PAPPA2: variants seen among roughly 807,000 people sequenced by gnomAD.
PAPPA2 encodes pappalysin 2.
In PAPPA2, 86 loss-of-function variants were observed where a neutral mutation model predicts 176.4. The ratio of observed to expected loss-of-function variants is 0.49; its 90% CI spans 0.41 to 0.58. The LOEUF is 0.58. Ranked by LOEUF, PAPPA2 falls within the 20% of genes least tolerant of loss-of-function variation. The probability of loss-of-function intolerance (pLI) is 0.00; values close to 1 mark genes in which losing one functional copy is unlikely to be tolerated. For synonymous variants in PAPPA2, 809 were observed against 852.2 expected, an observed-to-expected ratio of 0.95 and a Z score of 0.88; for missense variants, 2,073 against 2,256.9, an observed-to-expected ratio of 0.92 and a Z score of 1.65.
intron 21 of PAPPA2, among the ~76,000 whole-genome samples, chr1:176,804,657 G>A (rs1033770803): frequency 2.0e-5 from 3 of 151,986 alleles, no homozygotes; most frequent in East Asian, 3.9e-4. Flanking sequence ...ACCACCTTAG[G>A]GAAAGTATTA....
intron 4 of PAPPA2, among the ~76,000 whole-genome samples, chr1:176,684,247 G>A (rs931480668): frequency 6.6e-6 from 1 of 152,148 alleles, no homozygotes; most frequent in Non-Finnish European, 1.5e-5. Flanking sequence ...TGGAACCAGT[G>A]GGGTAAAATG....
intron 4 of PAPPA2, among the ~76,000 whole-genome samples, chr1:176,681,695 A>G (rs1222943510): frequency 2.0e-5 from 3 of 152,172 alleles, no homozygotes; most frequent in Non-Finnish European, 2.9e-5. Context: ...CTCACACCAC[A>G]TCTCCAATAT....
chr1:176,536,755 C>T (rs1156554336), intron 1 of PAPPA2, among the ~76,000 whole-genome samples: 3 of 152,188 alleles, frequency 2.0e-5, no homozygotes, highest in Admixed American at 6.6e-5. Flanking sequence ...TTGCTAACAT[C>T]CCACTGACCA....
chr1:176,645,898 A>G (rs1442006268), intron 3 of PAPPA2, among the ~76,000 whole-genome samples: 3 of 151,580 alleles, frequency 2.0e-5, no homozygotes, highest in Admixed American at 6.6e-5. Context: ...CTTTTGAGAA[A>G]GGTTTATTCC....
intron 1 of PAPPA2, among the ~76,000 whole-genome samples, chr1:176,511,146 A>G (rs761692458): frequency 2.6e-4 from 39 of 152,294 alleles, no homozygotes; most frequent in South Asian, 4.1e-4. Context: ...TGTACAGTAA[A>G]TACAAAGTCA....
At chr1:176,727,550 T>C (rs1661939001) in intron 12 of PAPPA2, among the ~76,000 whole-genome samples, 1 of 152,086 alleles carries the variant, frequency 6.6e-6, no homozygotes, top group Non-Finnish European at 1.5e-5. Flanking sequence ...GAACAGAGGC[T>C]CAAAAGAAAT....
At chr1:176,746,308 A>G (rs1335235127) in intron 14 of PAPPA2, among the ~76,000 whole-genome samples, 1 of 152,202 alleles carries the variant, frequency 6.6e-6, no homozygotes, top group Non-Finnish European at 1.5e-5. Context: ...ACCAGCAGAG[A>G]AAGTCTTGTC....
intron 10 of PAPPA2, among the ~76,000 whole-genome samples, chr1:176,708,090 G>T (rs181533085): frequency 1.3e-5 from 2 of 152,088 alleles, no homozygotes; most frequent in African/African-American, 4.8e-5. Context: ...CATAGTGGTC[G>T]CATATTAAAT....
At chr1:176,522,559 T>C (rs543680483) in intron 1 of PAPPA2, among the ~76,000 whole-genome samples, 1 of 152,346 alleles carries the variant, frequency 6.6e-6, no homozygotes, top group South Asian at 2.1e-4. Flanking sequence ...GTTGTTATAG[T>C]AATAAAATCA....
intron 1 of PAPPA2, among the ~76,000 whole-genome samples, chr1:176,479,822 A>G (rs1476241339): frequency 6.6e-6 from 1 of 152,244 alleles, no homozygotes; most frequent in Non-Finnish European, 1.5e-5. Context: ...TCAGCATGCA[A>G]GGTAAAATAC....
rs145544936 is a variant in PAPPA2, at chr1:176,598,291, G to A, written c.1991+2696G>A. ...CTGTTTTTTTTTCTGGTAGTTTCCT[G>A]TACACCTCCAAATATTATATTTATA... On this transcript the variant is annotated intron_variant, in intron 3 of 22. Coordinates refer to ENST00000367662, the MANE Select transcript of PAPPA2 (RefSeq NM_020318.3). Among the ~76,000 whole-genome samples, 306 of 151,320 alleles carry A rather than the reference G, an allele frequency of 2.0e-3. 3 individuals carry two copies. The highest frequency in any genetic ancestry group is 7.3e-3 in the African/African-American group (300 of 41,230).
intron 3 of PAPPA2, among the ~76,000 whole-genome samples, chr1:176,643,985 T>A (rs1558493074): frequency 6.6e-6 from 1 of 151,872 alleles, no homozygotes; most frequent in East Asian, 2.0e-4. Context: ...GGTACCTCTG[T>A]GGGTGTGTAT....
chr1:176,537,947 G>T (rs1318248224), intron 1 of PAPPA2, among the ~76,000 whole-genome samples: 2 of 151,896 alleles, frequency 1.3e-5, no homozygotes, highest in African/African-American at 2.4e-5. Flanking sequence ...GGAGTTATGT[G>T]TCCTGAATCC....
chr1:176,505,754 C>T (rs1230343237), intron 1 of PAPPA2, among the ~76,000 whole-genome samples: 8 of 151,716 alleles, frequency 5.3e-5, no homozygotes, highest in Non-Finnish European at 1.0e-4. Context: ...AAACAAAACA[C>T]CAAGGTGACT....
chr1:176,615,465 C>T (rs1191479668), intron 3 of PAPPA2, among the ~76,000 whole-genome samples: 1 of 152,130 alleles, frequency 6.6e-6, no homozygotes, highest in African/African-American at 2.4e-5. Flanking sequence ...TGCCTGCCAC[C>T]ATGCCCGGCT....
chr1:176,722,468 C>T (rs1365101705), intron 12 of PAPPA2, among the ~76,000 whole-genome samples: 1 of 134,128 alleles, frequency 7.5e-6, no homozygotes, highest in Admixed American at 8.2e-5. Context: ...AGGCCTGGCT[C>T]TTCAGGGGTC....
intron 21 of PAPPA2, among the ~76,000 whole-genome samples, chr1:176,819,295 A>C (rs1413955215): frequency 6.6e-6 from 1 of 152,176 alleles, no homozygotes; most frequent in Non-Finnish European, 1.5e-5. Flanking sequence ...GTCCTTTAAA[A>C]GTCTTTTCTA....
chr1:176,554,938 G>A (rs974062021), intron 1 of PAPPA2, among the ~76,000 whole-genome samples: 2 of 151,868 alleles, frequency 1.3e-5, no homozygotes, highest in East Asian at 3.9e-4. Flanking sequence ...GTTAGTGTGG[G>A]CTTATTAGGC....
intron 4 of PAPPA2, among the ~76,000 whole-genome samples, chr1:176,682,987 C>CT (rs1256637452): frequency 1.3e-5 from 2 of 151,434 alleles, no homozygotes; most frequent in African/African-American, 4.8e-5. Flanking sequence ...AACCAATATC[C>CT]TTTTCTCAAG....
Sources: gnomAD v4.1 joint callset for allele counts (sites outside exome capture counted in the v4.1 genomes callset) on GRCh38, gnomAD v4.1.1 for gene constraint, MANE v1.5 for transcripts, NCBI Gene and HGNC (gene_info 2026-07-23, HGNC 2026-07-21) for gene names.